The following SORCS2 variants were observed in gnomAD, a reference collection of about 807,000 sequenced individuals.
SORCS2 encodes the protein VPS10 domain-containing receptor SorCS2.
A neutral mutation model predicts 141.6 loss-of-function variants in SORCS2; 100 were observed. The observed-to-expected ratio is 0.71, with a 90% confidence interval of 0.60 to 0.83. The LOEUF is 0.83. Among genes scored for constraint, SORCS2 ranks in the 40% least tolerant of loss-of-function variants. SORCS2 has a pLI of 0.00. For synonymous variants in SORCS2, 789 were observed against 676.9 expected (o/e 1.17, Z -2.57); for missense variants, 1,646 against 1,560.2 (o/e 1.05, Z -0.93).
At chr4:7,430,537 A>G (rs1275498484) in intron 2 of SORCS2, 1 of 152,268 alleles carries the variant, frequency 6.6e-6, no homozygotes, top group Non-Finnish European at 1.5e-5. Context: ...TTACGATGGC[A>G]TCTGAAGAAT....
intron 1 of SORCS2, among the ~76,000 whole-genome samples, chr4:7,273,932 C>A (rs949084827): frequency 6.6e-6 from 1 of 152,208 alleles, no homozygotes; most frequent in Non-Finnish European, 1.5e-5. Context: ...CATGCTGGGG[C>A]TCTGACATGG....
In SORCS2 at chr4:7,676,019, C is replaced by G. The variant is rs1464133473; in HGVS notation, c.1162-31C>G. ...CCCTCGTGCAGCCCCCAGCCTGGCTCTGACCCTGTGCTCCCTGCACATCCC... is the reference window on the plus strand; with the variant it reads ...CCCTCGTGCAGCCCCCAGCCTGGCTGTGACCCTGTGCTCCCTGCACATCCC... On this transcript the variant is annotated intron_variant, in intron 8 of 26. Transcript: ENST00000507866. 3 of 1,556,798 alleles carry G rather than the reference C, an allele frequency of 1.9e-6. No individual in the cohort carries two copies. The African/African-American group carries it at 4.1e-5, about 21-fold the overall frequency.
intron 2 of SORCS2, among the ~76,000 whole-genome samples, chr4:7,516,560 C>A (rs1177888377): frequency 6.6e-6 from 1 of 151,738 alleles, no homozygotes; most frequent in Non-Finnish European, 1.5e-5. Context: ...TCCATGTGGG[C>A]AGGGACCTGG....
intron 2 of SORCS2, among the ~76,000 whole-genome samples, chr4:7,524,295 C>A (rs1049483957): frequency 1.3e-5 from 2 of 152,142 alleles, no homozygotes; most frequent in Non-Finnish European, 1.5e-5. Flanking sequence ...CGCCTGGAGC[C>A]CTCAGCAGCT....
At chr4:7,216,487 C>G (rs1191470114) in intron 1 of SORCS2, among the ~76,000 whole-genome samples, 1 of 152,208 alleles carries the variant, frequency 6.6e-6, no homozygotes. Context: ...GCCAGAAGTC[C>G]AAACTCAGTG....
intron 3 of SORCS2, among the ~76,000 whole-genome samples, chr4:7,591,395 G>C (rs1043118789): frequency 6.6e-6 from 1 of 152,150 alleles, no homozygotes; most frequent in Non-Finnish European, 1.5e-5. Flanking sequence ...CTCCCTCCAA[G>C]CCTGGTGCTA....
chr4:7,674,154 T>C (rs986085135), intron 8 of SORCS2, among the ~76,000 whole-genome samples: 1 of 151,900 alleles, frequency 6.6e-6, no homozygotes, highest in African/African-American at 2.4e-5. Context: ...CCCTGCCCCA[T>C]CATCCTTCCC....
At chr4:7,554,995 C>A (rs977995505) in intron 3 of SORCS2, among the ~76,000 whole-genome samples, 1 of 152,176 alleles carries the variant, frequency 6.6e-6, no homozygotes, top group South Asian at 2.1e-4. Context: ...GAGGTTGTGT[C>A]TGGAATCAGC....
intron 1 of SORCS2, among the ~76,000 whole-genome samples, chr4:7,244,798 G>A (rs546918024): frequency 1.3e-5 from 2 of 152,344 alleles, no homozygotes; most frequent in South Asian, 2.1e-4. Context: ...GGCTGCAGCC[G>A]GGACAGGCTG....
chr4:7,478,844 G>A (rs1730457630), intron 2 of SORCS2, among the ~76,000 whole-genome samples: 1 of 152,198 alleles, frequency 6.6e-6, no homozygotes, highest in Non-Finnish European at 1.5e-5. Context: ...TCACACAGCT[G>A]GGCACCGAGG....
At chr4:7,674,897 C>T (rs1048522128) in intron 8 of SORCS2, among the ~76,000 whole-genome samples, 3 of 152,186 alleles carry the variant, frequency 2.0e-5, no homozygotes, top group Non-Finnish European at 4.4e-5. Context: ...ACAGCTACAC[C>T]GTAATTGGGA....
chr4:7,332,404 G>T (rs929901944), intron 1 of SORCS2, among the ~76,000 whole-genome samples: 1 of 152,220 alleles, frequency 6.6e-6, no homozygotes, highest in Admixed American at 6.5e-5. Flanking sequence ...AGATAGGAAT[G>T]TGGTGGCCCA....
rs60216546 is a variant in SORCS2 at position 7,400,113 on chromosome 4, A to G, written c.548+3758A>G. Among the ~76,000 whole-genome samples, 989 of 152,172 alleles carry G rather than the reference A, an allele frequency of 6.5e-3. 29 individuals carry two copies. In the East Asian group the frequency reaches 0.093, roughly 14 times the overall value. On this transcript the variant is annotated intron_variant, in intron 2 of 26. Coordinates refer to ENST00000507866, the MANE Select transcript of SORCS2 (RefSeq NM_020777.3). ...AAATCCTTCCAGGGTACTTGAAATAACATACAAGCCATACCCCCTGCAAAA... is the reference window on the plus strand; with the variant it reads ...AAATCCTTCCAGGGTACTTGAAATAGCATACAAGCCATACCCCCTGCAAAA...
intron 1 of SORCS2, among the ~76,000 whole-genome samples, chr4:7,387,648 C>A (rs1033981782): frequency 7.4e-6 from 1 of 135,658 alleles, no homozygotes. Context: ...CACACATGCC[C>A]ACCATACACA....
At position 7,286,995 on chromosome 4, in the gene SORCS2, C is replaced by G. The variant is rs979710293; in HGVS notation, c.480+93869C>G. On this transcript the variant is annotated intron_variant, in intron 1 of 26. Coordinates refer to ENST00000507866, the MANE Select transcript of SORCS2 (RefSeq NM_020777.3). The surrounding 1 kb of genome is among the most constrained non-coding windows in gnomAD (Gnocchi z 4.1). ...TTGCATCAGGTGGCTGCAGCCCGGCCTGGGAGTTGCCTCCTCCTCCAGGAA... is the reference window on the plus strand; with the variant it reads ...TTGCATCAGGTGGCTGCAGCCCGGCGTGGGAGTTGCCTCCTCCTCCAGGAA... Among the ~76,000 whole-genome samples the G allele has an allele frequency of 3.3e-5, 5 of 152,226 alleles. No homozygotes were observed. Among genetic ancestry groups the G allele is most frequent in the Non-Finnish European group, 5.9e-5 (4 of 68,038 alleles).
chr4:7,699,748 C>A (rs7689602), intron 12 of SORCS2, among the ~76,000 whole-genome samples: 69,925 of 151,768 alleles, frequency 0.46, 16,456 homozygotes, highest in East Asian at 0.74. Context: ...GTGGTCTCCG[C>A]CACCCGCCTG....
At chr4:7,545,832 T>C (rs1476159170) in intron 3 of SORCS2, among the ~76,000 whole-genome samples, 2 of 152,230 alleles carry the variant, frequency 1.3e-5, no homozygotes, top group Non-Finnish European at 2.9e-5. Flanking sequence ...CGGATGGCTC[T>C]CACGAAACAC....
intron 2 of SORCS2, among the ~76,000 whole-genome samples, chr4:7,506,924 T>C (rs1732308698): frequency 6.6e-6 from 1 of 152,116 alleles, no homozygotes; most frequent in Non-Finnish European, 1.5e-5. Flanking sequence ...TATTAAGACA[T>C]GTAGAAAGAG....
chr4:7,269,751 C>T (rs1211694000), intron 1 of SORCS2, among the ~76,000 whole-genome samples: 1 of 152,172 alleles, frequency 6.6e-6, no homozygotes, highest in Non-Finnish European at 1.5e-5. Context: ...TTAATCTCAG[C>T]CCAGTGATAC....
Sources: allele counts gnomAD v4.1 joint callset (sites outside exome capture counted in the v4.1 genomes callset), GRCh38; gene constraint gnomAD v4.1.1; non-coding constraint Gnocchi (gnomAD v3.1); transcripts MANE v1.5; gene names NCBI Gene and HGNC (gene_info 2026-07-23, HGNC 2026-07-21).